The following EYS variants were observed in gnomAD, a reference collection of about 807,000 sequenced individuals.
EYS encodes the protein protein eyes shut homolog.
A neutral mutation model predicts 282.1 loss-of-function variants in EYS; 250 were observed. That is an observed-to-expected ratio of 0.89 (90% CI 0.80 to 0.98). EYS has a LOEUF of 0.98. Ranked by LOEUF, EYS falls within the 50% of genes least tolerant of loss-of-function variation. The pLI is 0.00. For missense variants in EYS, 4,016 were observed against 3,709.0 expected (o/e 1.08, Z -2.15); for synonymous variants, 1,355 against 1,282.9 (o/e 1.06, Z -1.20).
intron 10 of EYS, 64 bp downstream of exon 10, chr6:65,343,974 C>G: frequency 2.2e-6 from 3 of 1,386,464 alleles, no homozygotes; most frequent in Non-Finnish European, 3.1e-6. Flanking sequence ...TTCTAACTTT[C>G]TAAAAATCAG....
intron 31 of EYS, among the ~76,000 whole-genome samples, chr6:64,110,844 GAC>G (rs1293268350): frequency 6.6e-6 from 1 of 151,034 alleles, no homozygotes; most frequent in Non-Finnish European, 1.5e-5. Flanking sequence ...GCTGAAAGGA[GAC>G]AGTATTTTGG....
chr6:65,102,936 C>T (rs1160516234), intron 12 of EYS, among the ~76,000 whole-genome samples: 1 of 151,358 alleles, frequency 6.6e-6, no homozygotes, highest in Admixed American at 6.6e-5. Flanking sequence ...TGTGACATGA[C>T]ATGACTGTAC....
At chr6:65,598,467 C>G (rs1765492191) in intron 2 of EYS, among the ~76,000 whole-genome samples, 1 of 152,008 alleles carries the variant, frequency 6.6e-6, no homozygotes. Flanking sequence ...GCCAATCAAA[C>G]AAAGCATATG....
intron 28 of EYS, among the ~76,000 whole-genome samples, chr6:64,419,878 G>A (rs952382171): frequency 6.6e-6 from 1 of 152,188 alleles, no homozygotes; most frequent in Admixed American, 6.5e-5. Context: ...CTACCATTCT[G>A]GGGTCTGGAG....
intron 30 of EYS, among the ~76,000 whole-genome samples, chr6:64,278,884 C>T (rs1043199338): frequency 1.3e-5 from 2 of 152,122 alleles, no homozygotes; most frequent in African/African-American, 4.8e-5. Context: ...CTGCCTTAGA[C>T]TCCTGCTACA....
intron 22 of EYS, among the ~76,000 whole-genome samples, chr6:64,734,586 T>C (rs531061064): frequency 2.3e-4 from 35 of 152,346 alleles, no homozygotes; most frequent in Admixed American, 9.8e-4. Context: ...TCTAAGTATT[T>C]CTGTTAGCCA....
At chr6:65,441,562 C>A (rs1261698078) in intron 5 of EYS, among the ~76,000 whole-genome samples, 1 of 151,846 alleles carries the variant, frequency 6.6e-6, no homozygotes, top group Non-Finnish European at 1.5e-5. Flanking sequence ...GGTTGCAGAT[C>A]AAAACTGTGC....
At chr6:65,169,490 AAC>A (rs1385199154) in intron 12 of EYS, among the ~76,000 whole-genome samples, 2 of 151,498 alleles carry the variant, frequency 1.3e-5, no homozygotes, top group Non-Finnish European at 3.0e-5. Flanking sequence ...GATATCAGAA[AAC>A]ACAGTATAAC....
intron 29 of EYS, among the ~76,000 whole-genome samples, chr6:64,327,903 G>T (rs898740240): frequency 9.9e-5 from 15 of 152,134 alleles, no homozygotes; most frequent in African/African-American, 3.6e-4. Flanking sequence ...CATGCAGAGA[G>T]GAGCCAGAGC....
intron 22 of EYS, among the ~76,000 whole-genome samples, chr6:64,763,646 C>A (rs377154938): frequency 9.9e-5 from 15 of 152,166 alleles, no homozygotes; most frequent in Admixed American, 9.8e-4. Context: ...GCCATCCCAA[C>A]AGTCCCCCAA....
chr6:64,985,272 A>C (rs1340179633), intron 14 of EYS, among the ~76,000 whole-genome samples: 1 of 151,520 alleles, frequency 6.6e-6, no homozygotes, highest in African/African-American at 2.4e-5. Flanking sequence ...CTTCTTTTTG[A>C]ACTCAAGTAA....
chr6:64,065,093 T>C (rs937100790), intron 33 of EYS, among the ~76,000 whole-genome samples: 3 of 152,218 alleles, frequency 2.0e-5, no homozygotes, highest in Non-Finnish European at 4.4e-5. Context: ...TTCAGACATT[T>C]ACTGAGTATC....
intron 12 of EYS, among the ~76,000 whole-genome samples, chr6:65,198,444 T>G (rs1765822266): frequency 6.6e-6 from 1 of 152,150 alleles, no homozygotes; most frequent in Non-Finnish European, 1.5e-5. Flanking sequence ...GGAAGTATTG[T>G]GTACTTTGCA....
chr6:64,530,566 G>A (rs1381157097), intron 26 of EYS, among the ~76,000 whole-genome samples: 2 of 151,904 alleles, frequency 1.3e-5, no homozygotes, highest in Non-Finnish European at 2.9e-5. Context: ...TTTATAACAT[G>A]ATATTACTGT....
At chr6:65,524,907 G>A (rs913381008) in intron 2 of EYS, among the ~76,000 whole-genome samples, 2 of 152,210 alleles carry the variant, frequency 1.3e-5, no homozygotes, top group African/African-American at 2.4e-5. Context: ...TGAGTGTCAT[G>A]TGAGGGCCTC....
chr6:65,171,754 C>A (rs1324776771), intron 12 of EYS, among the ~76,000 whole-genome samples: 1 of 151,372 alleles, frequency 6.6e-6, no homozygotes, highest in Admixed American at 6.6e-5. Context: ...CTGGCAAATT[C>A]CACCAGAGGA....
At chr6:63,728,152 ATTT>A (rs1265702707) in intron 41 of EYS, among the ~76,000 whole-genome samples, 1 of 152,102 alleles carries the variant, frequency 6.6e-6, no homozygotes, top group African/African-American at 2.4e-5. Flanking sequence ...AGTGTATAAC[ATTT>A]TTTAAGTGAA....
At chr6:63,834,130 C>A (rs893315865) in intron 36 of EYS, among the ~76,000 whole-genome samples, 10 of 152,100 alleles carry the variant, frequency 6.6e-5, no homozygotes, top group African/African-American at 2.4e-4. Context: ...TAGGCAATAC[C>A]ATTCAGGACA....
At chr6:63,728,194 A>T (rs1271352580) in intron 41 of EYS, among the ~76,000 whole-genome samples, 1 of 152,130 alleles carries the variant, frequency 6.6e-6, no homozygotes, top group Non-Finnish European at 1.5e-5. Context: ...TCTTAATCCC[A>T]AGAATTACTG....
Sources: allele counts gnomAD v4.1 joint callset (sites outside exome capture counted in the v4.1 genomes callset), GRCh38; gene constraint gnomAD v4.1.1; transcripts MANE v1.5; gene names NCBI Gene and HGNC (gene_info 2026-07-23, HGNC 2026-07-21).